Variants in MACROD2 observed in about 807,000 individuals in gnomAD.
MACROD2 encodes mono-ADP ribosylhydrolase 2, also known as ADP-ribose glycohydrolase MACROD2.
A neutral mutation model predicts 70.4 loss-of-function variants in MACROD2; 36 were observed. The ratio of observed to expected loss-of-function variants is 0.51; its 90% CI spans 0.39 to 0.68. The LOEUF (loss-of-function observed/expected upper bound fraction) is 0.68. Among genes scored for constraint, MACROD2 ranks in the 30% least tolerant of loss-of-function variants. The probability of loss-of-function intolerance (pLI) is 0.00; values close to 1 mark genes in which losing one functional copy is unlikely to be tolerated. For synonymous variants in MACROD2, 172 were observed against 178.8 expected (o/e 0.96, Z 0.30); for missense variants, 496 against 538.4 (o/e 0.92, Z 0.78).
In MACROD2 at chr20:14,861,984, T is replaced by TAA. The variant is rs1481467246; in HGVS notation, c.418+177026_418+177027insAA. Reference sequence around the variant, plus strand: ...TGGAGGTTTTATATATAAATATATATATATATATTTATATATATATTTATA... The same window carrying TAA: ...TGGAGGTTTTATATATAAATATATATAAATATATATTTATATATATATTTATA... On this transcript the variant is annotated intron_variant, in intron 5 of 17. Coordinates refer to ENST00000684519, the MANE Select transcript of MACROD2 (RefSeq NM_001351661.2). Among the ~76,000 whole-genome samples the TAA allele has an allele frequency of 1.3e-4, 8 of 60,010 alleles. 1 individual carries two copies. The highest frequency in any genetic ancestry group is 1.2e-3 in the Admixed American group (4 of 3,322). The allele number at this position is 60,010 out of a possible 152,430, so 39.4% of individuals were successfully genotyped here. A position where few individuals can be genotyped will look rare whatever the true frequency, so the allele number is the denominator to read the frequency against.
intron 8 of MACROD2, among the ~76,000 whole-genome samples, chr20:15,851,962 T>G (rs1236850683): frequency 3.3e-5 from 5 of 152,152 alleles, no homozygotes; most frequent in Non-Finnish European, 5.9e-5. Flanking sequence ...GAAAGCCCAT[T>G]TTTTATCTTT....
At chr20:14,076,710 A>G (rs2053920517) in intron 2 of MACROD2, among the ~76,000 whole-genome samples, 1 of 151,916 alleles carries the variant, frequency 6.6e-6, no homozygotes. Flanking sequence ...AAGTACATAT[A>G]ACTTTGCTAA....
At chr20:14,987,870 C>T (rs1265482585) in intron 5 of MACROD2, among the ~76,000 whole-genome samples, 6 of 151,960 alleles carry the variant, frequency 3.9e-5, no homozygotes, top group Non-Finnish European at 8.8e-5. Context: ...TATAAGAAAT[C>T]TCATGAACAG....
intron 3 of MACROD2, among the ~76,000 whole-genome samples, chr20:14,351,970 G>A (rs535303520): frequency 1.3e-5 from 2 of 152,252 alleles, no homozygotes; most frequent in South Asian, 4.1e-4. Context: ...TTTTTCAGCA[G>A]CAATTGAAAT....
chr20:15,744,536 C>G (rs563844889), intron 8 of MACROD2, among the ~76,000 whole-genome samples: 6 of 152,120 alleles, frequency 3.9e-5, no homozygotes, highest in African/African-American at 1.4e-4. Flanking sequence ...TAAATGAGCC[C>G]TGTCAAATTT....
intron 2 of MACROD2, among the ~76,000 whole-genome samples, chr20:14,057,178 A>G (rs1269541029): frequency 1.3e-5 from 2 of 152,208 alleles, no homozygotes; most frequent in African/African-American, 4.8e-5. Flanking sequence ...ACATCTTTCT[A>G]TCAGACTGAA....
intron 15 of MACROD2, among the ~76,000 whole-genome samples, chr20:16,034,326 C>G (rs1213771095): frequency 1.3e-5 from 2 of 151,976 alleles, no homozygotes; most frequent in African/African-American, 4.8e-5. Context: ...GATATTGACG[C>G]TGTGTTATTC....
chr20:15,634,515 G>A (rs1453915248), intron 8 of MACROD2, among the ~76,000 whole-genome samples: 5 of 152,182 alleles, frequency 3.3e-5, no homozygotes, highest in Non-Finnish European at 1.5e-5. Context: ...CTGATCCCAT[G>A]TGGCCTAATT....
intron 5 of MACROD2, among the ~76,000 whole-genome samples, chr20:14,872,049 T>TA (rs1260409925): frequency 1.3e-5 from 2 of 152,186 alleles, no homozygotes; most frequent in East Asian, 3.9e-4. Context: ...CAGAGATACT[T>TA]AGAGTCCCAC....
intron 4 of MACROD2, among the ~76,000 whole-genome samples, chr20:14,641,998 G>A (rs1469321288): frequency 6.6e-6 from 1 of 152,122 alleles, no homozygotes; most frequent in African/African-American, 2.4e-5. Context: ...AGTCCTAGAT[G>A]GTATCTTCTT....
intron 5 of MACROD2, among the ~76,000 whole-genome samples, chr20:15,145,801 A>G (rs977590682): frequency 5.3e-5 from 8 of 152,098 alleles, no homozygotes; most frequent in African/African-American, 9.6e-5. Flanking sequence ...AATTTTACCT[A>G]AAAGATGATG....
At chr20:15,557,601 G>A (rs1285069465) in intron 8 of MACROD2, among the ~76,000 whole-genome samples, 1 of 152,168 alleles carries the variant, frequency 6.6e-6, no homozygotes, top group Non-Finnish European at 1.5e-5. Flanking sequence ...CTAGAGCTAA[G>A]TCAGACATTC....
At chr20:14,026,642 TC>T (rs1405745819) in intron 2 of MACROD2, among the ~76,000 whole-genome samples, 2 of 152,208 alleles carry the variant, frequency 1.3e-5, no homozygotes, top group Non-Finnish European at 2.9e-5. Context: ...GGTTGAAAAT[TC>T]TTTTCTTTAA....
At chr20:15,236,957 G>A (rs1354645093) in intron 6 of MACROD2, among the ~76,000 whole-genome samples, 1 of 152,116 alleles carries the variant, frequency 6.6e-6, no homozygotes, top group Non-Finnish European at 1.5e-5. Context: ...CTCAGTGGGT[G>A]TAGCACTGCC....
intron 3 of MACROD2, among the ~76,000 whole-genome samples, chr20:14,175,303 A>G (rs895877348): frequency 2.6e-5 from 4 of 152,084 alleles, no homozygotes; most frequent in African/African-American, 4.8e-5. Context: ...CTCCTTCTTA[A>G]ATAGGACCTA....
chr20:15,205,489 A>C lies in MACROD2; in HGVS notation c.419-24451A>C, dbSNP rs534239224. Among the ~76,000 whole-genome samples the C allele has an allele frequency of 5.3e-5, 8 of 152,254 alleles. No individual in the cohort carries two copies. In the South Asian group the frequency reaches 1.7e-3, roughly 32 times the overall value. ...ATCCATACAGCAAATATTCCAAGAG[A>C]TCAAGGCAAAACCGGTGAGGCTTAT... On this transcript the variant is annotated intron_variant, in intron 5 of 17. Coordinates refer to ENST00000684519, the MANE Select transcript of MACROD2 (RefSeq NM_001351661.2).
intron 3 of MACROD2, among the ~76,000 whole-genome samples, chr20:14,475,237 A>C (rs763576504): frequency 6.6e-6 from 1 of 152,146 alleles, no homozygotes; most frequent in African/African-American, 2.4e-5. Flanking sequence ...TCACACAAAA[A>C]ACCCCAGTAT....
chr20:14,365,879 GTTAT>G (rs2083267232), intron 3 of MACROD2, among the ~76,000 whole-genome samples: 1 of 151,974 alleles, frequency 6.6e-6, no homozygotes, highest in African/African-American at 2.4e-5. Flanking sequence ...TTAATATTGT[GTTAT>G]TTAATTTTTA....
chr20:14,466,639 T>A (rs1444998690), intron 3 of MACROD2, among the ~76,000 whole-genome samples: 1 of 152,128 alleles, frequency 6.6e-6, no homozygotes, highest in Non-Finnish European at 1.5e-5. Context: ...GTTTTTCTGC[T>A]CTGTTTTTTC....
Sources: gnomAD v4.1 joint callset for allele counts (sites outside exome capture counted in the v4.1 genomes callset) on GRCh38, gnomAD v4.1.1 for gene constraint, MANE v1.5 for transcripts, NCBI Gene and HGNC (gene_info 2026-07-23, HGNC 2026-07-21) for gene names.